LYPLA1: variants seen among roughly 807,000 people sequenced by gnomAD.
The protein encoded by LYPLA1 is acyl-protein thioesterase 1.
LYPLA1 carries 17 observed loss-of-function variants against 34.0 expected under a neutral mutation model. The ratio of observed to expected loss-of-function variants is 0.50; its 90% confidence interval spans 0.34 to 0.75. LYPLA1 has a LOEUF of 0.75. Among genes scored for constraint, LYPLA1 ranks in the 30% least tolerant of loss-of-function variants. The probability of loss-of-function intolerance (pLI) is 0.01; values close to 1 mark genes in which losing one functional copy is unlikely to be tolerated. For missense variants in LYPLA1, 203 were observed against 288.8 expected (o/e 0.70, Z 2.15); for synonymous variants, 98 against 100.8 (o/e 0.97, Z 0.17).
At chr8:54,086,982 G>A (rs1808841346) in intron 2 of LYPLA1, among the ~76,000 whole-genome samples, 1 of 152,130 alleles carries the variant, frequency 6.6e-6, no homozygotes, top group Admixed American at 6.5e-5. Context: ...TGCAAGGATG[G>A]TTCAACATAA....
At position 54,051,184 on chromosome 8, in the gene LYPLA1, G is replaced by A. The variant is rs763588237; in HGVS notation, c.467C>T (p.Pro156Leu). 3 of 1,595,150 alleles carry A rather than the reference G, an allele frequency of 1.9e-6. No homozygotes were observed. Among genetic ancestry groups the A allele is most frequent in the South Asian group, 1.1e-5 (1 of 89,180 alleles). Residue 156 changes from proline to leucine, a missense_variant, in exon 8 of 9, where the codon CCT becomes CTT. Pro to Leu is a moderately conservative substitution (Grantham distance 98). This residue lies in a region of LYPLA1 where 123 missense variants were observed against 199.2 expected (regional missense o/e 0.62). Coordinates refer to ENST00000316963, the MANE Select transcript of LYPLA1 (RefSeq NM_006330.4). The part of the protein sequence containing the change: ...LPLRASFPQG[P>L]IGGANRDISI... Reference sequence around the variant, plus strand: ...AATATCTCTATTAGCACCACCGATAGGACCCTGCAAAAAGCAAAAGAAGAA... The same window carrying A: ...AATATCTCTATTAGCACCACCGATAAGACCCTGCAAAAAGCAAAAGAAGAA...
chr8:54,081,876 T>G (rs1184466702), intron 2 of LYPLA1, among the ~76,000 whole-genome samples: 1 of 152,048 alleles, frequency 6.6e-6, no homozygotes, highest in Non-Finnish European at 1.5e-5. Context: ...ATTACAGGCA[T>G]GTGCCACCAC....
chr8:54,082,630 T>C (rs1808403977), intron 2 of LYPLA1, among the ~76,000 whole-genome samples: 1 of 152,228 alleles, frequency 6.6e-6, no homozygotes, highest in South Asian at 2.1e-4. Flanking sequence ...GGATACACTT[T>C]TTCCACTTAA....
rs181626607 is a variant in LYPLA1 at position 54,061,624 on chromosome 8, T to A, written c.286+630A>T. 1.2e-3 allele frequency among the ~76,000 whole-genome samples: 176 copies of A among 151,980 alleles called. 1 individual carries two copies. In the Middle Eastern group the frequency reaches 0.02, roughly 18 times the overall value. ...CCCTGTGTCTACAAAAAGAAAAAAT[T>A]AAAACCTGGCGGGGCATGGTGGTGT... On this transcript the variant is annotated intron_variant, in intron 5 of 8. Transcript: ENST00000316963.
chr8:54,084,754 A>T (rs1808579594), intron 2 of LYPLA1, among the ~76,000 whole-genome samples: 1 of 152,256 alleles, frequency 6.6e-6, no homozygotes, highest in African/African-American at 2.4e-5. Flanking sequence ...ATAAGAGAAC[A>T]GTATGAACAA....
Position 54,052,644 on chromosome 8 carries a change from A to G in LYPLA1, c.462+11T>C, listed in dbSNP as rs1437655734. The stretch of plus-strand genomic sequence containing the variant: ...TCAGTAATCTCATGTTGAGTGCATC[A>G]ACCAAGTTACCTGTGGAAAGGAAGC... On this transcript the variant is annotated intron_variant, in intron 7 of 8. Coordinates refer to ENST00000316963, the MANE Select transcript of LYPLA1 (RefSeq NM_006330.4). The G allele has an allele frequency of 1.9e-6, 3 of 1,594,454 alleles. No homozygotes were observed. The highest frequency in any genetic ancestry group is 2.6e-6 in the Non-Finnish European group (3 of 1,163,156).
intron 8 of LYPLA1, among the ~76,000 whole-genome samples, chr8:54,048,907 C>A (rs1805653982): frequency 6.6e-6 from 1 of 152,190 alleles, no homozygotes; most frequent in Admixed American, 6.5e-5. Context: ...TCTGCTCCTC[C>A]TCATTCAGCC....
intron 2 of LYPLA1, among the ~76,000 whole-genome samples, chr8:54,099,502 ACT>A (rs904725542): frequency 2.0e-5 from 3 of 151,948 alleles, no homozygotes; most frequent in Non-Finnish European, 4.4e-5. Flanking sequence ...ACATGGCAAA[ACT>A]CTGTCTCTAC....
intron 2 of LYPLA1, among the ~76,000 whole-genome samples, chr8:54,068,782 T>C (rs894655425): frequency 2.6e-5 from 4 of 152,074 alleles, no homozygotes; most frequent in South Asian, 4.1e-4. Flanking sequence ...TTCTTAGATA[T>C]AACATCAAAA....
At chr8:54,066,129 G>T (rs1807052534) in intron 2 of LYPLA1, among the ~76,000 whole-genome samples, 1 of 151,962 alleles carries the variant, frequency 6.6e-6, no homozygotes, top group Admixed American at 6.6e-5. Context: ...AGTAGAGACG[G>T]GGTTTCACCA....
At chr8:54,088,251 C>T (rs1028231632) in intron 2 of LYPLA1, among the ~76,000 whole-genome samples, 3 of 151,976 alleles carry the variant, frequency 2.0e-5, no homozygotes, top group Admixed American at 6.6e-5. Flanking sequence ...CACCTGTCTT[C>T]GAATAAATTT....
chr8:54,056,415 A>T (rs368086766), intron 5 of LYPLA1, among the ~76,000 whole-genome samples: 1 of 152,212 alleles, frequency 6.6e-6, no homozygotes, highest in South Asian at 2.1e-4. Context: ...CCCCACAAGC[A>T]TATCAACCAA....
intron 2 of LYPLA1, among the ~76,000 whole-genome samples, chr8:54,089,775 T>C (rs1249531626): frequency 6.6e-6 from 1 of 152,060 alleles, no homozygotes; most frequent in Non-Finnish European, 1.5e-5. Flanking sequence ...AGGCACACTC[T>C]ACCATGGCTG....
At chr8:54,092,164 G>T (rs1030890108) in intron 2 of LYPLA1, among the ~76,000 whole-genome samples, 4 of 150,962 alleles carry the variant, frequency 2.6e-5, no homozygotes, top group African/African-American at 7.3e-5. Context: ...CGGCGGCGGA[G>T]GAGAACCCTG....
Position 54,100,927 on chromosome 8 carries a change from G to A in LYPLA1, c.82C>T (p.His28Tyr). The A allele has an allele frequency of 6.2e-7, 1 of 1,609,508 alleles. No homozygotes were observed. The highest frequency in any genetic ancestry group is 8.5e-7 in the Non-Finnish European group (1 of 1,175,978). ...ACCTACCCAGTATCTCCCAATCCAT[G>A]CAGGAAAATCACCTATAAGAGAAGA... ...RKATAAVIFLHGLGDTGHGWA... is the reference protein window; with the variant it reads ...RKATAAVIFLYGLGDTGHGWA... Residue 28 changes from histidine (H) to tyrosine (Y), a missense_variant, in exon 2 of 9, where the codon CAT becomes TAT. Coordinates refer to ENST00000316963, the MANE Select transcript of LYPLA1 (RefSeq NM_006330.4).
chr8:54,060,415 G>GT (rs1201579817), intron 5 of LYPLA1, among the ~76,000 whole-genome samples: 1 of 151,838 alleles, frequency 6.6e-6, no homozygotes, highest in Non-Finnish European at 1.5e-5. Context: ...GTGAGCCACC[G>GT]TGCCCGGCCT....
At chr8:54,046,276 T>C (rs937532223), downstream of LYPLA1, 5 of 152,280 alleles carry the variant, frequency 3.3e-5, no homozygotes, top group African/African-American at 1.2e-4. Context: ...TCTCTGAATA[T>C]ATATTCTTTT....
At chr8:54,053,371 G>A (rs551957310) in intron 6 of LYPLA1, 183 of 308,004 alleles carry the variant, frequency 5.9e-4, no homozygotes, top group South Asian at 4.6e-3. Flanking sequence ...TGGGATTACA[G>A]GTGTGAGCCA....
chr8:54,084,479 G>C (rs1808559655), intron 2 of LYPLA1, among the ~76,000 whole-genome samples: 1 of 151,496 alleles, frequency 6.6e-6, no homozygotes, highest in Admixed American at 6.6e-5. Flanking sequence ...GCTGAGACAA[G>C]AGAATTGCTT....
Sources: allele counts gnomAD v4.1 joint callset (sites outside exome capture counted in the v4.1 genomes callset), GRCh38; gene constraint gnomAD v4.1.1; regional missense constraint gnomAD v4.1.1; transcripts MANE v1.5; gene names NCBI Gene and HGNC (gene_info 2026-07-23, HGNC 2026-07-21).